Variants in PFDN2 observed in about 807,000 individuals in gnomAD.
PFDN2 encodes prefoldin subunit 2.
Under a neutral mutation model 18.3 loss-of-function variants are expected in PFDN2, and 7 were observed. That is an observed-to-expected ratio of 0.38 (90% CI 0.22 to 0.72). The LOEUF (loss-of-function observed/expected upper bound fraction) is 0.72. PFDN2 is among the 30% of genes least tolerant of loss of function. The pLI is 0.47. For missense variants in PFDN2, 181 were observed against 199.1 expected, an observed-to-expected ratio of 0.91 and a Z score of 0.55; for synonymous variants, 76 against 75.0, an observed-to-expected ratio of 1.01 and a Z score of -0.07.
rs777770359 is a variant in PFDN2 at position 161,117,997 on chromosome 1, C to T, written c.30G>A (p.Lys10=). The T allele has an allele frequency of 1.2e-6, 2 of 1,612,620 alleles. No homozygotes were observed. Among genetic ancestry groups the T allele is most frequent in the African/African-American group, 1.3e-5 (1 of 75,010 alleles). The part of the protein sequence containing the change: MAENSGRAG[K]SSGSGAGKGA... The stretch of plus-strand genomic sequence containing the variant: ...CCTTCCCCGCGCCGCTCCCGCTGCT[C>T]TTGCCGGCGCGACCGCTGTTCTCCG... Residue 10 remains lysine (K), a synonymous_variant, in exon 1 of 4, where the codon AAG becomes AAA. Coordinates refer to ENST00000368010, the MANE Select transcript of PFDN2 (RefSeq NM_012394.4).
In PFDN2 at chr1:161,116,067, AAC is replaced by A. The variant is rs1179278086; in HGVS notation, c.75+1883_75+1884del. 4.2e-3 allele frequency among the ~76,000 whole-genome samples: 637 copies of A among 152,264 alleles called. 5 individuals carry two copies. Among genetic ancestry groups the A allele is most frequent in the African/African-American group, 0.014 (576 of 41,544 alleles). The stretch of plus-strand genomic sequence containing the variant: ...GTGAGACTCCCATCTCTACCAAAAA[AAC>A]AATTTTTAATTAGCCATTCAAATGG... On this transcript the variant is annotated intron_variant, in intron 1 of 3. Coordinates refer to ENST00000368010, the MANE Select transcript of PFDN2 (RefSeq NM_012394.4).
intron 1 of PFDN2, among the ~76,000 whole-genome samples, chr1:161,110,764 T>C (rs1274802307): frequency 6.6e-6 from 1 of 152,054 alleles, no homozygotes; most frequent in African/African-American, 2.4e-5. Flanking sequence ...CAAAGAAAAC[T>C]TCTTTGACCT....
At chr1:161,107,611 T>C (rs1654709034) in intron 1 of PFDN2, among the ~76,000 whole-genome samples, 1 of 151,674 alleles carries the variant, frequency 6.6e-6, no homozygotes. Flanking sequence ...GGTCAGGAGT[T>C]CACGACCAGC....
intron 1 of PFDN2, among the ~76,000 whole-genome samples, chr1:161,108,105 ACT>A (rs1387869942): frequency 1.4e-5 from 2 of 145,900 alleles, no homozygotes; most frequent in Non-Finnish European, 3.0e-5. Context: ...ACAGAGCGAG[ACT>A]CTGTCTCAAA....
intron 1 of PFDN2, among the ~76,000 whole-genome samples, chr1:161,112,208 T>C (rs1300077238): frequency 2.0e-5 from 3 of 152,228 alleles, no homozygotes; most frequent in Admixed American, 6.5e-5. Context: ...TCACAGAATG[T>C]TGTAAGGATT....
chr1:161,116,515 C>CA (rs1435303131), intron 1 of PFDN2, among the ~76,000 whole-genome samples: 1 of 152,002 alleles, frequency 6.6e-6, no homozygotes, highest in Non-Finnish European at 1.5e-5. Context: ...GTCTCAACAA[C>CA]AAAAAAGTAT....
intron 1 of PFDN2, among the ~76,000 whole-genome samples, chr1:161,106,952 G>A (rs1654688915): frequency 6.6e-6 from 1 of 151,998 alleles, no homozygotes; most frequent in Non-Finnish European, 1.5e-5. Context: ...GGGACCATTG[G>A]CATGTGCCAC....
chr1:161,117,977 C>T lies in PFDN2; in HGVS notation c.50G>A (p.Gly17Glu), dbSNP rs1655015046. 6.2e-7 allele frequency: 1 copy of T among 1,612,808 alleles called. No homozygotes were observed. Among genetic ancestry groups the T allele is most frequent in the Non-Finnish European group, 8.5e-7 (1 of 1,179,538 alleles). Residue 17 changes from glycine (G) to glutamate (E), a missense_variant, in exon 1 of 4, where the codon GGG (glycine) becomes GAG (glutamate). Gly to Glu is a moderately conservative substitution (Grantham distance 98, BLOSUM62 -2). Transcript: ENST00000368010. ...CTGCTCTGCGGACACCGCCCCCTTCCCCGCGCCGCTCCCGCTGCTCTTGCC... is the reference window on the plus strand; with the variant it reads ...CTGCTCTGCGGACACCGCCCCCTTCTCCGCGCCGCTCCCGCTGCTCTTGCC... ...RAGKSSGSGA[G>E]KGAVSAEQVI...
rs143380897 is a variant in PFDN2 at position 161,101,157 on chromosome 1, A to G, written c.289-298T>C. 3.0e-3 allele frequency among the ~76,000 whole-genome samples: 461 copies of G among 151,584 alleles called. 4 individuals carry two copies. Among genetic ancestry groups the G allele is most frequent in the South Asian group, 0.015 (73 of 4,770 alleles). ...TCCTGCCTCGGTCTCCCAAAGCGCT[A>G]GGAATACAGGCATGAGCTTATTTTT... On this transcript the variant is annotated intron_variant, in intron 3 of 3. Coordinates refer to ENST00000368010, the MANE Select transcript of PFDN2 (RefSeq NM_012394.4).
At chr1:161,117,832 T>C in intron 1 of PFDN2, 120 bp downstream of exon 1, 1 of 930,540 alleles carries the variant, frequency 1.1e-6, no homozygotes, top group African/African-American at 1.7e-5. Context: ...GACCCTTCCC[T>C]CTCTAGGTGC....
At chr1:161,114,210 C>T (rs1177215868) in intron 1 of PFDN2, among the ~76,000 whole-genome samples, 13 of 152,210 alleles carry the variant, frequency 8.5e-5, no homozygotes, top group Non-Finnish European at 1.8e-4. Flanking sequence ...AATGTTTAAC[C>T]TGGGTGTCCC....
At chr1:161,105,744 C>T (rs1200144721) in intron 1 of PFDN2, among the ~76,000 whole-genome samples, 2 of 152,210 alleles carry the variant, frequency 1.3e-5, no homozygotes, top group Admixed American at 6.5e-5. Context: ...CAGGCGTGAG[C>T]CACTGCACCC....
At chr1:161,115,405 G>A (rs1031887463) in intron 1 of PFDN2, among the ~76,000 whole-genome samples, 7 of 152,168 alleles carry the variant, frequency 4.6e-5, no homozygotes, top group Non-Finnish European at 7.4e-5. Context: ...TGTGAATAGC[G>A]TGATGAAATC....
chr1:161,117,237 C>CAA, intron 1 of PFDN2, among the ~76,000 whole-genome samples: 1 of 149,742 alleles, frequency 6.7e-6, no homozygotes, highest in East Asian at 2.0e-4. Context: ...GACTCCGTCT[C>CAA]AAAAAAAAAC....
intron 1 of PFDN2, 123 bp downstream of exon 1, chr1:161,117,829 C>A: frequency 1.1e-6 from 1 of 897,720 alleles, no homozygotes; most frequent in Non-Finnish European, 1.7e-6. Flanking sequence ...GGGGACCCTT[C>A]CCTCTCTAGG....
rs751353963 is a variant in PFDN2, at chr1:161,100,720, C to T, written c.428G>A (p.Gly143Glu). The stretch of plus-strand genomic sequence containing the variant: ...CACTCCAGCTGAGCTGGCCTTAGCC[C>T]CAGCCCCTTCTGAGTTTTCCTTGGC... ...PAAKENSEGA[G>E]AKASSAGVLV... is the part of the protein sequence containing the mutation. The change falls in exon 4 of 4, where the codon GGG (glycine) becomes GAG (glutamate). Residue 143 changes from glycine (G) to glutamate (E), a missense_variant. Transcript: ENST00000368010. 3.7e-6 allele frequency: 6 copies of T among 1,614,024 alleles called. No homozygotes were observed. The highest frequency in any genetic ancestry group is 5.1e-6 in the Non-Finnish European group (6 of 1,179,980).
At chr1:161,104,299 G>A (rs1654635634) in intron 1 of PFDN2, among the ~76,000 whole-genome samples, 1 of 152,076 alleles carries the variant, frequency 6.6e-6, no homozygotes, top group South Asian at 2.1e-4. Context: ...TCTGACAACA[G>A]TGGACTCAAT....
rs139447409 is a variant in PFDN2, at chr1:161,103,075, C to T, written c.76-700G>A. ...AATGAGTAACTTTTGTTTGGGTCTG[C>T]TCAGTATCCCATCCATTGGGGAACT... On this transcript the variant is annotated intron_variant, in intron 1 of 3. Coordinates refer to ENST00000368010, the MANE Select transcript of PFDN2 (RefSeq NM_012394.4). Among the ~76,000 whole-genome samples, 35 of 152,208 alleles carry T rather than the reference C, an allele frequency of 2.3e-4. 1 individual carries two copies. Among genetic ancestry groups the T allele is most frequent in the South Asian group, 6.2e-4 (3 of 4,820 alleles).
chr1:161,114,692 G>A (rs1394221131), intron 1 of PFDN2, among the ~76,000 whole-genome samples: 1 of 152,124 alleles, frequency 6.6e-6, no homozygotes, highest in South Asian at 2.1e-4. Context: ...AGATGGGGGA[G>A]GCCAAGATGT....
Sources: allele counts gnomAD v4.1 joint callset (sites outside exome capture counted in the v4.1 genomes callset), GRCh38; gene constraint gnomAD v4.1.1; transcripts MANE v1.5; gene names NCBI Gene and HGNC (gene_info 2026-07-23, HGNC 2026-07-21).